The following NXN variants were observed in gnomAD, a reference collection of about 807,000 sequenced individuals.
NXN encodes nucleoredoxin.
Under a neutral mutation model 48.6 loss-of-function variants are expected in NXN, and 16 were observed. That is an observed-to-expected ratio of 0.33 (90% CI 0.22 to 0.50). The LOEUF (loss-of-function observed/expected upper bound fraction) is 0.50. Ranked by LOEUF, NXN falls within the 20% of genes least tolerant of loss-of-function variation. The pLI, the probability that NXN is intolerant of heterozygous loss-of-function variation, is 0.98. For synonymous variants in NXN, 281 were observed against 269.6 expected, an observed-to-expected ratio of 1.04 and a Z score of -0.41; for missense variants, 492 against 605.5, an observed-to-expected ratio of 0.81 and a Z score of 1.97.
intron 1 of NXN, among the ~76,000 whole-genome samples, chr17:969,252 T>C (rs1371042964): frequency 3.3e-5 from 5 of 152,128 alleles, no homozygotes; most frequent in Non-Finnish European, 1.5e-5. Flanking sequence ...GCTGGTACCA[T>C]CATCTCCATT....
intron 5 of NXN, among the ~76,000 whole-genome samples, chr17:814,587 G>A (rs974248035): frequency 7.9e-5 from 12 of 152,182 alleles, no homozygotes; most frequent in East Asian, 5.8e-4. Context: ...TGTCGTGTTC[G>A]TGAAGACGTC....
chr17:952,097 C>T (rs538252693), intron 1 of NXN, among the ~76,000 whole-genome samples: 6 of 151,966 alleles, frequency 3.9e-5, no homozygotes, highest in Admixed American at 6.6e-5. Context: ...TTTTTGTGGT[C>T]TGAGAAACTC....
chr17:956,366 C>T lies in NXN; in HGVS notation c.360+22953G>A, dbSNP rs1326237818. Among the ~76,000 whole-genome samples the T allele has an allele frequency of 6.6e-6, 1 of 152,178 alleles. No homozygotes were observed. The highest frequency in any genetic ancestry group is 1.5e-5 in the Non-Finnish European group (1 of 68,040). On this transcript the variant is annotated intron_variant, in intron 1 of 7. Transcript: ENST00000336868. This position sits in a 1 kb window ranked among gnomAD's most constrained non-coding sequence, Gnocchi z 4.1. ...CGTGGAACAGAACAGTGGTCACCGT[C>T]TTCTGGCCTTTTCCTCTGTGCCCAG...
intron 5 of NXN, among the ~76,000 whole-genome samples, chr17:810,748 G>T (rs887318756): frequency 2.0e-5 from 3 of 152,080 alleles, no homozygotes; most frequent in African/African-American, 7.2e-5. Flanking sequence ...AATTAGCTGG[G>T]CGTGGTAGCG....
At chr17:811,821 G>A (rs1004718496) in intron 5 of NXN, among the ~76,000 whole-genome samples, 1 of 149,386 alleles carries the variant, frequency 6.7e-6, no homozygotes, top group African/African-American at 2.5e-5. Flanking sequence ...ACACCTCAAC[G>A]CACTGGCAGC....
chr17:811,997 G>A (rs58176673), intron 5 of NXN, among the ~76,000 whole-genome samples: 6 of 142,276 alleles, frequency 4.2e-5, no homozygotes, highest in Admixed American at 1.5e-4. Context: ...GCAAGATCTC[G>A]GCTCACTGCA....
At chr17:896,414 G>C (rs953783194) in intron 1 of NXN, among the ~76,000 whole-genome samples, 3 of 152,028 alleles carry the variant, frequency 2.0e-5, no homozygotes, top group East Asian at 1.9e-4. Flanking sequence ...GGGAGGCTGA[G>C]GTGGATTATT....
At chr17:971,380 C>T (rs890105771) in intron 1 of NXN, among the ~76,000 whole-genome samples, 2 of 152,154 alleles carry the variant, frequency 1.3e-5, no homozygotes, top group Non-Finnish European at 2.9e-5. Context: ...CTGTGACATC[C>T]ATTTGCTCAT....
At chr17:879,985 A>G (rs2068266208) in intron 1 of NXN, 1 of 152,122 alleles carries the variant, frequency 6.6e-6, no homozygotes, top group Admixed American at 6.6e-5. Flanking sequence ...TGAGAGCAGA[A>G]CCTCGGAGCC....
At chr17:829,253 T>C (rs368688738) in intron 1 of NXN, among the ~76,000 whole-genome samples, 1 of 151,370 alleles carries the variant, frequency 6.6e-6, no homozygotes, top group Admixed American at 6.6e-5. Flanking sequence ...GCCTCCCGGG[T>C]TCAACGAATT....
chr17:903,652 G>A (rs184047778), intron 1 of NXN, among the ~76,000 whole-genome samples: 1 of 152,312 alleles, frequency 6.6e-6, no homozygotes, highest in African/African-American at 2.4e-5. Flanking sequence ...CAAAGTGCTG[G>A]GATTCCAGGC....
chr17:858,944 A>G (rs1295336737), intron 1 of NXN, among the ~76,000 whole-genome samples: 2 of 152,042 alleles, frequency 1.3e-5, no homozygotes, highest in African/African-American at 4.8e-5. Flanking sequence ...GCAGGGGCCA[A>G]TTTTCTGGGT....
At chr17:879,645 G>C (rs868399052) in intron 1 of NXN, among the ~76,000 whole-genome samples, 2 of 152,064 alleles carry the variant, frequency 1.3e-5, no homozygotes, top group Non-Finnish European at 2.9e-5. Context: ...GAAAGGACAC[G>C]ACTCATTGAC....
chr17:834,078 G>A (rs1016174749), intron 1 of NXN, among the ~76,000 whole-genome samples: 3 of 152,204 alleles, frequency 2.0e-5, no homozygotes, highest in Admixed American at 6.5e-5. Flanking sequence ...CCAGCACTCT[G>A]GGGGGACGAG....
intron 1 of NXN, among the ~76,000 whole-genome samples, chr17:962,734 C>T (rs1407463134): frequency 1.3e-5 from 2 of 152,078 alleles, no homozygotes; most frequent in African/African-American, 2.4e-5. Context: ...TAGAAGTGCC[C>T]GGCACGGAGA....
rs532098882 is a variant in NXN, at chr17:801,039, G to A, written c.1218C>T (p.Tyr406=). ...GGGTGATCTCCTCCACGTCCATCAC[G>A]TACTTGGCCCGGGCTGACATGTCCA... ...TILDMSARAK[Y]VMDVEEITPA... is the part of the protein sequence containing the mutation. The change falls in exon 8 of 8, where the codon TAC becomes TAT. Residue 406 remains tyrosine (Y), a synonymous_variant. Coordinates refer to ENST00000336868, the MANE Select transcript of NXN (RefSeq NM_022463.5). 26 of 1,576,708 alleles carry A rather than the reference G, an allele frequency of 1.6e-5. No homozygotes were observed. The highest frequency in any genetic ancestry group is 1.4e-4 in the Admixed American group (8 of 55,368).
intron 1 of NXN, among the ~76,000 whole-genome samples, chr17:885,827 C>T (rs1331925502): frequency 2.0e-5 from 3 of 148,988 alleles, no homozygotes; most frequent in South Asian, 4.3e-4. Flanking sequence ...ACTACAGGCG[C>T]CCGCCACCAC....
intron 3 of NXN, among the ~76,000 whole-genome samples, chr17:823,401 A>G (rs77859565): frequency 2.0e-5 from 2 of 102,022 alleles, no homozygotes; most frequent in African/African-American, 3.5e-5. Context: ...TCTGGCTCAG[A>G]AAAAAAAAAA....
chr17:878,531 G>A (rs1373790044), intron 1 of NXN, among the ~76,000 whole-genome samples: 2 of 148,802 alleles, frequency 1.3e-5, no homozygotes, highest in African/African-American at 2.5e-5. Context: ...GGGCAGGGGA[G>A]GGGGTGCCCT....
Sources: gnomAD v4.1 joint callset for allele counts (sites outside exome capture counted in the v4.1 genomes callset) on GRCh38, gnomAD v4.1.1 for gene constraint, Gnocchi (gnomAD v3.1) non-coding constraint, MANE v1.5 for transcripts, NCBI Gene and HGNC (gene_info 2026-07-23, HGNC 2026-07-21) for gene names.